HABP2: variants seen among roughly 807,000 people sequenced by gnomAD.
HABP2 encodes the protein factor VII-activating protease.
Under a neutral mutation model 66.5 loss-of-function variants are expected in HABP2, and 65 were observed. The observed-to-expected ratio is 0.98, with a 90% CI of 0.80 to 1.20. The LOEUF (loss-of-function observed/expected upper bound fraction) is 1.20, where lower values mean the gene tolerates loss of function less well. HABP2 is among the 50% of genes most tolerant of loss of function. The pLI is 0.00. For synonymous variants in HABP2, 263 were observed against 253.9 expected (o/e 1.04, Z -0.34); for missense variants, 786 against 691.0 (o/e 1.14, Z -1.54).
chr10:113,567,739 C>T (rs912885064), intron 2 of HABP2, among the ~76,000 whole-genome samples: 1 of 152,198 alleles, frequency 6.6e-6, no homozygotes, highest in Non-Finnish European at 1.5e-5. Flanking sequence ...TGAGCCCAGG[C>T]TCAGGATCCC....
chr10:113,578,660 C>G lies in HABP2; in HGVS notation c.602C>G (p.Ser201Cys). The change falls in exon 7 of 13, where the codon TCT becomes TGT. Residue 201 changes from serine (S) to cysteine (C), a missense_variant. Coordinates refer to ENST00000351270, the MANE Select transcript of HABP2 (RefSeq NM_004132.5). ...SDDCYVGDGYSYRGKMNRTVN... is the reference protein window; with the variant it reads ...SDDCYVGDGYCYRGKMNRTVN... ...GACTGCTATGTTGGCGATGGCTACT[C>G]TTACCGAGGGAAAATGAATAGGACA... 6.2e-7 allele frequency: 1 copy of G among 1,613,208 alleles called. No homozygotes were observed. The highest frequency in any genetic ancestry group is 2.2e-5 in the East Asian group (1 of 44,872).
intron 4 of HABP2, among the ~76,000 whole-genome samples, chr10:113,576,398 A>G (rs142909515): frequency 9.2e-5 from 14 of 152,282 alleles, no homozygotes; most frequent in Middle Eastern, 3.4e-3. Context: ...GAACCCAGAG[A>G]GTGGGGGCAT....
intron 1 of HABP2, among the ~76,000 whole-genome samples, chr10:113,557,483 A>G (rs1388637480): frequency 6.6e-6 from 1 of 152,218 alleles, no homozygotes; most frequent in Non-Finnish European, 1.5e-5. Flanking sequence ...GAGAAACAGC[A>G]TGGCAGAATA....
At chr10:113,551,199 C>T (rs113902114), upstream of HABP2, among the ~76,000 whole-genome samples, 7 of 152,294 alleles carry the variant, frequency 4.6e-5, no homozygotes, top group African/African-American at 1.7e-4. Context: ...GGCATCTATG[C>T]CAAGGATTCA....
Position 113,589,581 on chromosome 10 carries a change from AAAAAT to A in HABP2, c.*1216_*1220del. 6.6e-7 allele frequency: 1 copy of A among 1,517,906 alleles called. No homozygotes were observed. The highest frequency in any genetic ancestry group is 1.3e-5 in the South Asian group (1 of 79,002). 94.0% of individuals were successfully genotyped at this position (1,517,906 alleles called of 1,614,324 possible). On this transcript the variant is annotated 3_prime_UTR_variant, in exon 13 of 13. Transcript: ENST00000351270. ...CTTTAGAGCTAGCTGACCTTTGGCC[AAAAAT>A]AAACTTTGAAAAGAAACAATGAGTT...
chr10:113,574,340 A>G lies in HABP2; in HGVS notation c.158A>G (p.Glu53Gly), dbSNP rs886046740. ...AGCTACGAGGATTATAATCAGGAAG[A>G]GAACACCAGTAGCACACTTACCCAC... is the stretch of plus-strand genomic sequence containing the variant. ...DYSYEDYNQEENTSSTLTHAE... is the reference protein window; with the variant it reads ...DYSYEDYNQEGNTSSTLTHAE... Residue 53 changes from glutamate (E) to glycine (G), a missense_variant, in exon 3 of 13, where the codon GAG (glutamate) becomes GGG (glycine). By Grantham distance (98) the Glu-to-Gly change is moderately conservative (BLOSUM62 -2). Coordinates refer to ENST00000351270, the MANE Select transcript of HABP2 (RefSeq NM_004132.5). 3 of 1,609,232 alleles carry G rather than the reference A, an allele frequency of 1.9e-6. No homozygotes were observed. In the East Asian group the frequency reaches 6.7e-5, roughly 36 times the overall value.
chr10:113,580,721 G>T, intron 8 of HABP2, 29 bp downstream of exon 8: 1 of 1,151,382 alleles, frequency 8.7e-7, no homozygotes, highest in Middle Eastern at 1.9e-4. Flanking sequence ...CAGAAGCCCA[G>T]GGGGTGGGGG....
intron 8 of HABP2, 84 bp downstream of exon 8, chr10:113,580,776 C>A: frequency 1.3e-6 from 1 of 743,242 alleles, no homozygotes. Flanking sequence ...TGGTCCCTCC[C>A]TCACCCTGTT....
rs1592678392 is a variant in HABP2 at position 113,553,191 on chromosome 10, G to T, written c.69+1G>T. 5.6e-6 allele frequency: 9 copies of T among 1,604,900 alleles called. No homozygotes were observed. Among genetic ancestry groups the T allele is most frequent in the Non-Finnish European group, 7.7e-6 (9 of 1,171,562 alleles). ...TCTGGTGGGAAAGACAGCCTGTGGG[G>T]TAAGTGTTCTTTTCTAATATTTGTA... On this transcript the variant is annotated splice_donor_variant, in intron 1 of 12. Coordinates refer to ENST00000351270, the MANE Select transcript of HABP2 (RefSeq NM_004132.5). LOFTEE classifies it high-confidence loss of function.
intron 2 of HABP2, among the ~76,000 whole-genome samples, chr10:113,567,906 C>T (rs897595731): frequency 6.6e-6 from 1 of 152,218 alleles, no homozygotes; most frequent in Non-Finnish European, 1.5e-5. Flanking sequence ...TGCATGGCTC[C>T]AGGCAGGCCG....
rs965006835 is a variant in HABP2, at chr10:113,585,847, T to C, written c.1427T>C (p.Leu476Ser). The C allele has an allele frequency of 6.2e-6, 10 of 1,613,270 alleles. No individual in the cohort carries two copies. The highest frequency in any genetic ancestry group is 1.3e-5 in the African/African-American group (1 of 74,920). Residue 476 changes from leucine to serine, a missense_variant, in exon 12 of 13, where the codon TTG (leucine) becomes TCG (serine). Leu to Ser is a moderately radical substitution (Grantham distance 145, BLOSUM62 -2). Coordinates refer to ENST00000351270, the MANE Select transcript of HABP2 (RefSeq NM_004132.5). Reference sequence around the variant, plus strand: ...AAAGTCAAGCTGATTGCCAACACTTTGTGCAACTCCCGCCAACTCTATGAC... The same window carrying C: ...AAAGTCAAGCTGATTGCCAACACTTCGTGCAACTCCCGCCAACTCTATGAC... ...DAKVKLIANT[L>S]CNSRQLYDHM...
chr10:113,551,196 A>G (rs1328350293), upstream of HABP2, among the ~76,000 whole-genome samples: 2 of 152,234 alleles, frequency 1.3e-5, no homozygotes, highest in Admixed American at 1.3e-4. Context: ...CTGGGCATCT[A>G]TGCCAAGGAT....
chr10:113,559,959 G>T (rs1845071521), intron 1 of HABP2, among the ~76,000 whole-genome samples: 1 of 152,186 alleles, frequency 6.6e-6, no homozygotes, highest in Non-Finnish European at 1.5e-5. Flanking sequence ...ATGTGTCCAT[G>T]TCCTTACACA....
At chr10:113,552,115 C>G (rs1844909896), upstream of HABP2, among the ~76,000 whole-genome samples, 1 of 152,138 alleles carries the variant, frequency 6.6e-6, no homozygotes, top group East Asian at 1.9e-4. Context: ...GATGCAGCCA[C>G]TGATGCAGTC....
chr10:113,561,424 C>T (rs1845098357), intron 1 of HABP2, among the ~76,000 whole-genome samples: 1 of 152,158 alleles, frequency 6.6e-6, no homozygotes, highest in African/African-American at 2.4e-5. Context: ...GAACTGTGCA[C>T]ACTTGTCCCT....
Position 113,576,913 on chromosome 10 carries a change from G to T in HABP2, c.332-237G>T, listed in dbSNP as rs537083191. The stretch of plus-strand genomic sequence containing the variant: ...TGGTGAAGGTGTAACAATTATCAAA[G>T]TTTTTTTATTAAGATATAAAAATTA... On this transcript the variant is annotated intron_variant, in intron 4 of 12. Coordinates refer to ENST00000351270, the MANE Select transcript of HABP2 (RefSeq NM_004132.5). Among the ~76,000 whole-genome samples the T allele has an allele frequency of 2.0e-5, 3 of 152,208 alleles. No homozygotes were observed. In the South Asian group the frequency reaches 6.2e-4, roughly 32 times the overall value.
At chr10:113,561,561 A>G (rs767252418) in intron 1 of HABP2, among the ~76,000 whole-genome samples, 1 of 152,122 alleles carries the variant, frequency 6.6e-6, no homozygotes, top group African/African-American at 2.4e-5. Context: ...ACCACCAGGC[A>G]TAGGGTAGAA....
chr10:113,562,162 C>A (rs1176062169), intron 1 of HABP2, among the ~76,000 whole-genome samples: 1 of 152,164 alleles, frequency 6.6e-6, no homozygotes, highest in Non-Finnish European at 1.5e-5. Context: ...AAAGCAGCTA[C>A]CTTACCATGT....
intron 2 of HABP2, chr10:113,570,289 A>G (rs1250654047): frequency 6.6e-6 from 1 of 152,250 alleles, no homozygotes; most frequent in Non-Finnish European, 1.5e-5. Flanking sequence ...TATTTAGTTT[A>G]GTGTCTGATA....
Sources: allele counts gnomAD v4.1 joint callset (sites outside exome capture counted in the v4.1 genomes callset), GRCh38; gene constraint gnomAD v4.1.1; transcripts MANE v1.5; gene names NCBI Gene and HGNC (gene_info 2026-07-23, HGNC 2026-07-21).